The following SPATA13 variants were observed in gnomAD, a reference collection of about 807,000 sequenced individuals.
SPATA13 encodes the protein spermatogenesis-associated protein 13.
SPATA13 carries 50 observed loss-of-function variants against 104.0 expected under a neutral mutation model. The observed-to-expected ratio is 0.48, with a 90% CI of 0.38 to 0.61. The LOEUF is 0.61. Ranked by LOEUF, SPATA13 falls within the 20% of genes least tolerant of loss-of-function variation. The pLI is 0.00. For synonymous variants in SPATA13, 606 were observed against 667.5 expected, an observed-to-expected ratio of 0.91 and a Z score of 1.42; for missense variants, 1,524 against 1,690.6, an observed-to-expected ratio of 0.90 and a Z score of 1.73.
rs574990616 is a variant in SPATA13, at chr13:24,078,678, G to A, written c.-112+60977G>A. The stretch of plus-strand genomic sequence containing the variant: ...TAGGTGTGTTTAGGAAGCAGTTGTC[G>A]CCCTAGTCCATAAAGTCATACTCTT... On this transcript the variant is annotated intron_variant, in intron 3 of 14. Transcript: ENST00000424834. Among the ~76,000 whole-genome samples the A allele has an allele frequency of 2.6e-5, 4 of 152,220 alleles. No individual in the cohort carries two copies. In the South Asian group the frequency reaches 8.3e-4, roughly 32 times the overall value.
At chr13:24,271,183 T>C (rs555735145) in intron 4 of SPATA13, among the ~76,000 whole-genome samples, 90 of 152,226 alleles carry the variant, frequency 5.9e-4, no homozygotes, top group African/African-American at 2.1e-3. Flanking sequence ...TGGTTTTGTT[T>C]ATGGCACAGT....
In SPATA13 at chr13:24,287,511, G is replaced by A. The variant is rs9580916; in HGVS notation, c.2667+561G>A. 4.4e-3 allele frequency among the ~76,000 whole-genome samples: 663 copies of A among 152,244 alleles called. 2 individuals carry two copies. The highest frequency in any genetic ancestry group is 0.015 in the African/African-American group (640 of 41,544). The stretch of plus-strand genomic sequence containing the variant: ...CTATCTCTATCAGGACCTAATTCCT[G>A]AGATTATTTGAAAAGAATGGCTTTC... On this transcript the variant is annotated intron_variant, in intron 7 of 12. Coordinates refer to ENST00000382108, the MANE Select transcript of SPATA13 (RefSeq NM_001166271.3).
At chr13:24,249,891 C>G in intron 3 of SPATA13, 49 bp downstream of exon 3, 1 of 1,536,558 alleles carries the variant, frequency 6.5e-7, no homozygotes, top group Non-Finnish European at 8.7e-7. Context: ...CCTCCAGCTT[C>G]CTGCCTCTAT....
chr13:24,168,419 G>T (rs1882831953), intron 1 of SPATA13, among the ~76,000 whole-genome samples: 1 of 152,176 alleles, frequency 6.6e-6, no homozygotes, highest in Non-Finnish European at 1.5e-5. Flanking sequence ...GTTTTGCCCT[G>T]CCAGCTTCCA....
chr13:24,198,284 C>T lies in SPATA13; in HGVS notation c.-111-24535C>T, dbSNP rs1870202336. Among the ~76,000 whole-genome samples the T allele has an allele frequency of 1.3e-5, 2 of 152,170 alleles. 1 individual carries two copies. Among genetic ancestry groups the T allele is most frequent in the Admixed American group, 1.3e-4 (2 of 15,274 alleles). On this transcript the variant is annotated intron_variant, in intron 1 of 12. Coordinates refer to ENST00000382108, the MANE Select transcript of SPATA13 (RefSeq NM_001166271.3). ...CTGAGATTACAGGCGTGAGCCACCG[C>T]ACCGAGCCACCTTGTTTTGTTTCCA...
chr13:24,295,810 T>A (rs1876739782), intron 10 of SPATA13, among the ~76,000 whole-genome samples: 2 of 152,090 alleles, frequency 1.3e-5, no homozygotes, highest in Non-Finnish European at 2.9e-5. Context: ...CTCTACACCA[T>A]CCTATGAAGT....
chr13:24,289,033 T>A lies in SPATA13; in HGVS notation c.2702T>A (p.Met901Lys), dbSNP rs773003583. ...CGACAGTGCCGCAAGCACACAGGAA[T>A]GTTCACCGTTGCGCAGCTAGCCACT... is the stretch of plus-strand genomic sequence containing the variant. ...YIRQCRKHTG[M>K]FTVAQLATIF... Residue 901 changes from methionine to lysine, a missense_variant, in exon 8 of 13, where the codon ATG becomes AAG. Met to Lys is a moderately conservative substitution (Grantham distance 95). Around this residue, in one of 2 missense-constraint regions of SPATA13, gnomAD observed 435 missense variants for 554.8 expected, o/e 0.78. Coordinates refer to ENST00000382108, the MANE Select transcript of SPATA13 (RefSeq NM_001166271.3). 1 of 1,613,160 alleles carries A rather than the reference T, an allele frequency of 6.2e-7. No individual in the cohort carries two copies. The highest frequency in any genetic ancestry group is 8.5e-7 in the Non-Finnish European group (1 of 1,179,806).
intron 2 of SPATA13, among the ~76,000 whole-genome samples, chr13:23,990,429 A>G (rs982775143): frequency 6.6e-6 from 1 of 152,098 alleles, no homozygotes; most frequent in African/African-American, 2.4e-5. Context: ...ACTGTTCCCA[A>G]TAGTGATTTC....
At chr13:24,301,705 C>T (rs1486816066) in intron 12 of SPATA13, among the ~76,000 whole-genome samples, 1 of 152,212 alleles carries the variant, frequency 6.6e-6, no homozygotes, top group Non-Finnish European at 1.5e-5. Context: ...GAGCCAAGGC[C>T]TTCCTGCTTT....
At chr13:24,119,351 A>G (rs1178924321) in intron 3 of SPATA13, among the ~76,000 whole-genome samples, 1 of 152,230 alleles carries the variant, frequency 6.6e-6, no homozygotes, top group African/African-American at 2.4e-5. Context: ...ATATTTTAAA[A>G]GAAAAAAATT....
At chr13:24,042,048 G>A (rs139151784) in intron 3 of SPATA13, among the ~76,000 whole-genome samples, 2 of 152,332 alleles carry the variant, frequency 1.3e-5, no homozygotes, top group Admixed American at 6.5e-5. Context: ...GCAGCCACGT[G>A]TGTCACATTT....
Position 24,011,339 on chromosome 13 carries a change from G to C in SPATA13, c.-146-6328G>C, listed in dbSNP as rs139107153. ...CCGGCCGGCTTGGCCATCTCATGCT[G>C]TCTCACGTTCCGCAGCTGGTCTGGG... On this transcript the variant is annotated intron_variant, in intron 2 of 14. Coordinates refer to the SPATA13 transcript ENST00000424834. The surrounding 1 kb of genome is among the most constrained non-coding windows in gnomAD (Gnocchi z 4.3). Among the ~76,000 whole-genome samples the C allele has an allele frequency of 7.2e-5, 11 of 152,304 alleles. No individual in the cohort carries two copies. Among genetic ancestry groups the C allele is most frequent in the African/African-American group, 2.6e-4 (11 of 41,558 alleles).
intron 2 of SPATA13, among the ~76,000 whole-genome samples, chr13:23,992,926 A>G (rs1347406628): frequency 1.3e-5 from 2 of 152,210 alleles, no homozygotes; most frequent in Non-Finnish European, 2.9e-5. Context: ...GTCAGCTACT[A>G]TTCTTCTGTT....
At chr13:24,239,965 G>C (rs760241111) in intron 2 of SPATA13, among the ~76,000 whole-genome samples, 4 of 151,718 alleles carry the variant, frequency 2.6e-5, no homozygotes, top group Non-Finnish European at 5.9e-5. Context: ...TTCATAATAT[G>C]ATGACTTTAA....
intron 3 of SPATA13, among the ~76,000 whole-genome samples, chr13:24,019,173 C>T (rs1876854806): frequency 6.7e-6 from 1 of 149,162 alleles, no homozygotes; most frequent in Non-Finnish European, 1.5e-5. Context: ...ACTGTAAGCT[C>T]CGCCTCCCGG....
At chr13:24,194,001 T>C (rs951133754) in intron 1 of SPATA13, among the ~76,000 whole-genome samples, 2 of 151,852 alleles carry the variant, frequency 1.3e-5, no homozygotes, top group African/African-American at 4.8e-5. Flanking sequence ...TTTGTAGAGG[T>C]TTCTTACCTT....
At chr13:24,040,608 A>G (rs1271022478) in intron 3 of SPATA13, among the ~76,000 whole-genome samples, 1 of 152,146 alleles carries the variant, frequency 6.6e-6, no homozygotes, top group East Asian at 1.9e-4. Context: ...GGTCCAGGAC[A>G]CAAAGCCTGC....
chr13:24,228,202 C>T (rs551734642), intron 2 of SPATA13, among the ~76,000 whole-genome samples: 10 of 151,000 alleles, frequency 6.6e-5, no homozygotes, highest in Admixed American at 2.0e-4. Context: ...CAAGCTCCAC[C>T]TCCCGGGTTC....
chr13:24,000,086 G>A (rs553531430), intron 2 of SPATA13, among the ~76,000 whole-genome samples: 19 of 152,204 alleles, frequency 1.2e-4, no homozygotes, highest in Non-Finnish European at 2.5e-4. Context: ...ATTTCACACC[G>A]AGGATGGTGA....
Sources: gnomAD v4.1 joint callset for allele counts (sites outside exome capture counted in the v4.1 genomes callset) on GRCh38, gnomAD v4.1.1 for gene constraint, gnomAD v4.1.1 regional missense constraint, Gnocchi (gnomAD v3.1) non-coding constraint, MANE v1.5 for transcripts, NCBI Gene and HGNC (gene_info 2026-07-23, HGNC 2026-07-21) for gene names.